The following COL5A2 variants were observed in gnomAD, a reference collection of about 807,000 sequenced individuals.
The protein encoded by COL5A2 is collagen alpha-2(V) chain.
A neutral mutation model predicts 208.2 loss-of-function variants in COL5A2; 23 were observed. The ratio of observed to expected loss-of-function variants is 0.11; its 90% CI spans 0.08 to 0.16. COL5A2 has a LOEUF of 0.16. Ranked by LOEUF, COL5A2 falls within the 10% of genes least tolerant of loss-of-function variation. COL5A2 has a pLI of 1.00. For synonymous variants in COL5A2, 625 were observed against 628.5 expected (o/e 0.99, Z 0.08); for missense variants, 1,590 against 1,956.4 (o/e 0.81, Z 3.53).
chr2:189,425,444 T>C, the COL5A2 span, among the ~76,000 whole-genome samples: 1 of 152,204 alleles, frequency 6.6e-6, no homozygotes, highest in Non-Finnish European at 1.5e-5. Flanking sequence ...GGAATCAATT[T>C]AAGTATCCAT....
At chr2:189,055,869 C>T (rs1032214053) in intron 35 of COL5A2, among the ~76,000 whole-genome samples, 8 of 152,272 alleles carry the variant, frequency 5.3e-5, no homozygotes, top group East Asian at 1.9e-4. Flanking sequence ...GCCAATGCAT[C>T]GTTCCTATAA....
the COL5A2 span, among the ~76,000 whole-genome samples, chr2:189,290,434 A>C: frequency 6.6e-6 from 1 of 152,168 alleles, no homozygotes; most frequent in African/African-American, 2.4e-5. Context: ...CAGCCAAAGG[A>C]GCATTTGCTG....
intron 1 of COL5A2, among the ~76,000 whole-genome samples, chr2:189,190,650 C>T (rs1688911513): frequency 6.6e-6 from 1 of 152,090 alleles, no homozygotes; most frequent in South Asian, 2.1e-4. Flanking sequence ...TAAAAACTCT[C>T]CAAATAATTT....
At chr2:189,249,089 T>C in the COL5A2 span, among the ~76,000 whole-genome samples, 1 of 152,176 alleles carries the variant, frequency 6.6e-6, no homozygotes, top group Non-Finnish European at 1.5e-5. Flanking sequence ...TTTATTAAAA[T>C]AAACTTTCAG....
intron 1 of COL5A2, among the ~76,000 whole-genome samples, chr2:189,126,454 G>A (rs1687609678): frequency 6.6e-6 from 1 of 151,644 alleles, no homozygotes; most frequent in Non-Finnish European, 1.5e-5. Flanking sequence ...TCTTTTCATA[G>A]TGCTAAACAA....
At chr2:189,173,981 C>G (rs1256901458) in intron 1 of COL5A2, among the ~76,000 whole-genome samples, 1 of 152,184 alleles carries the variant, frequency 6.6e-6, no homozygotes, top group Non-Finnish European at 1.5e-5. Context: ...GATTAAAGAT[C>G]AGTTGATCCA....
At chr2:189,326,096 CAAA>C in the COL5A2 span, among the ~76,000 whole-genome samples, 31 of 96,778 alleles carry the variant, frequency 3.2e-4, no homozygotes, top group Non-Finnish European at 3.3e-4. Flanking sequence ...GACCCTGTCT[CAAA>C]AAAAAAAAAA....
the COL5A2 span, among the ~76,000 whole-genome samples, chr2:189,319,111 A>G: frequency 6.6e-6 from 1 of 152,268 alleles, no homozygotes; most frequent in African/African-American, 2.4e-5. Flanking sequence ...TATTAAAACA[A>G]ACATGGATAT....
chr2:189,232,817 C>T, the COL5A2 span, among the ~76,000 whole-genome samples: 2 of 151,660 alleles, frequency 1.3e-5, no homozygotes, highest in African/African-American at 4.8e-5. Context: ...AACCAGGAAG[C>T]AGAGCCTCAC....
At chr2:189,424,419 T>C in the COL5A2 span, among the ~76,000 whole-genome samples, 1 of 152,148 alleles carries the variant, frequency 6.6e-6, no homozygotes. Context: ...CTTTATGTAC[T>C]TTTTTTAAAA....
the COL5A2 span, among the ~76,000 whole-genome samples, chr2:189,286,085 T>C: frequency 6.6e-6 from 1 of 151,500 alleles, no homozygotes; most frequent in Admixed American, 6.6e-5. Flanking sequence ...GAAAAGCTCA[T>C]ACGTGGTTGA....
chr2:189,426,132 C>T, the COL5A2 span, among the ~76,000 whole-genome samples: 5,355 of 152,178 alleles, frequency 0.035, 111 homozygotes, highest in Admixed American at 0.049. Flanking sequence ...CAGAAGAAGA[C>T]AGGAAGACAA....
chr2:189,081,599 T>C (rs1377215327), intron 12 of COL5A2, among the ~76,000 whole-genome samples: 11 of 149,262 alleles, frequency 7.4e-5, no homozygotes, highest in Admixed American at 7.4e-4. Flanking sequence ...ATTTTTAAAA[T>C]AAATTGTTTA....
the COL5A2 span, among the ~76,000 whole-genome samples, chr2:189,334,988 C>T: frequency 6.6e-6 from 1 of 151,888 alleles, no homozygotes; most frequent in South Asian, 2.1e-4. Context: ...TTATAACCTA[C>T]TCTAAAAATC....
At chr2:189,396,757 G>A in the COL5A2 span, among the ~76,000 whole-genome samples, 4 of 151,132 alleles carry the variant, frequency 2.6e-5, no homozygotes, top group South Asian at 2.1e-4. Context: ...GCCGAGGCGG[G>A]CAGATCACCC....
Position 189,061,545 on chromosome 2 carries a change from A to G in COL5A2, c.2031+17T>C. 6.3e-7 allele frequency: 1 copy of G among 1,599,820 alleles called. No individual in the cohort carries two copies. The highest frequency in any genetic ancestry group is 1.7e-5 in the Admixed American group (1 of 59,948). ...TAGTTAATGGAAGATGAAATGGAAA[A>G]CCGAATTAGTGCATACCTGAAAACC... On this transcript the variant is annotated intron_variant, in intron 30 of 53. Transcript: ENST00000374866.
chr2:189,428,395 G>A, the COL5A2 span, among the ~76,000 whole-genome samples: 1 of 152,100 alleles, frequency 6.6e-6, no homozygotes, highest in Non-Finnish European at 1.5e-5. Context: ...CAAGGCAGGT[G>A]GATCATGAGG....
the COL5A2 span, among the ~76,000 whole-genome samples, chr2:189,373,588 TTG>T: frequency 6.6e-6 from 1 of 152,218 alleles, no homozygotes; most frequent in Non-Finnish European, 1.5e-5. Context: ...TAAAGTCACT[TTG>T]TACCTTTTTT....
chr2:189,224,835 T>C (rs1183580991), intron 1 of COL5A2, among the ~76,000 whole-genome samples: 1 of 150,756 alleles, frequency 6.6e-6, no homozygotes, highest in African/African-American at 2.4e-5. Context: ...TAAGAACATA[T>C]AAAAAAAAAC....
Sources: gnomAD v4.1 joint callset for allele counts (sites outside exome capture counted in the v4.1 genomes callset) on GRCh38, gnomAD v4.1.1 for gene constraint, MANE v1.5 for transcripts, NCBI Gene and HGNC (gene_info 2026-07-23, HGNC 2026-07-21) for gene names.